The following OPCML variants were observed in gnomAD, a reference collection of about 807,000 sequenced individuals.
OPCML encodes the protein opioid binding protein/cell adhesion molecule like.
A neutral mutation model predicts 37.8 loss-of-function variants in OPCML; 13 were observed. That is an observed-to-expected ratio of 0.34 (90% CI 0.22 to 0.55). OPCML has a LOEUF of 0.55. OPCML is among the 20% of genes least tolerant of loss of function. The pLI, the probability that OPCML is intolerant of heterozygous loss-of-function variation, is 0.91. For synonymous variants in OPCML, 176 were observed against 168.8 expected (o/e 1.04, Z -0.33); for missense variants, 341 against 435.6 (o/e 0.78, Z 1.93).
chr11:133,222,195 C>T (rs1939865306), intron 1 of OPCML, among the ~76,000 whole-genome samples: 1 of 152,200 alleles, frequency 6.6e-6, no homozygotes, highest in Non-Finnish European at 1.5e-5. Context: ...ATTCAGGGGC[C>T]TGCAGATGAC....
chr11:132,746,435 C>G (rs1793267), intron 2 of OPCML, among the ~76,000 whole-genome samples: 44,020 of 151,896 alleles, frequency 0.29, 7,554 homozygotes, highest in East Asian at 0.83. Flanking sequence ...CCACTCTCAT[C>G]GGCGTTTATA....
At chr11:133,469,176 T>C (rs7130966) in intron 1 of OPCML, among the ~76,000 whole-genome samples, 43,677 of 152,156 alleles carry the variant, frequency 0.29, 7,834 homozygotes, top group African/African-American at 0.51. Flanking sequence ...ACAAATGACA[T>C]GAAATAGCTA....
intron 1 of OPCML, among the ~76,000 whole-genome samples, chr11:133,082,986 G>A (rs1357438908): frequency 6.6e-6 from 1 of 151,204 alleles, no homozygotes; most frequent in African/African-American, 2.4e-5. Context: ...GCGGCCGCCA[G>A]AGGGCGCCCG....
intron 1 of OPCML, among the ~76,000 whole-genome samples, chr11:133,134,426 T>G (rs1205819461): frequency 6.6e-6 from 1 of 152,224 alleles, no homozygotes; most frequent in Non-Finnish European, 1.5e-5. Context: ...ACCTCTGTCC[T>G]GAGCCACAGT....
chr11:133,026,321 A>T (rs1383020768), intron 1 of OPCML: 3 of 941,306 alleles, frequency 3.2e-6, no homozygotes, highest in Non-Finnish European at 3.8e-6. Context: ...AGCTGTCAAC[A>T]TTTGATAGTT....
chr11:132,609,518 C>T (rs1011683880), intron 3 of OPCML, among the ~76,000 whole-genome samples: 4 of 152,128 alleles, frequency 2.6e-5, no homozygotes, highest in Non-Finnish European at 5.9e-5. Flanking sequence ...TACCCACCAG[C>T]ATGCAAATAT....
intron 1 of OPCML, among the ~76,000 whole-genome samples, chr11:133,372,151 T>C (rs1944689224): frequency 6.6e-6 from 1 of 152,224 alleles, no homozygotes; most frequent in African/African-American, 2.4e-5. Flanking sequence ...ATGCATTGTA[T>C]ATTTCAAAGT....
intron 4 of OPCML, among the ~76,000 whole-genome samples, chr11:132,521,438 C>A (rs1274504213): frequency 6.6e-6 from 1 of 152,028 alleles, no homozygotes; most frequent in Non-Finnish European, 1.5e-5. Flanking sequence ...TGTTTTAGTA[C>A]ACCACAGAAT....
At position 132,542,017 on chromosome 11, in the gene OPCML, T is replaced by C. The variant is rs1392591839; in HGVS notation, c.380-12831A>G. On this transcript the variant is annotated intron_variant, in intron 3 of 7. Coordinates refer to ENST00000524381, the MANE Select transcript of OPCML (RefSeq NM_001012393.5). ...GAGGCAATGCAGGGGAAGTCCAGCATCTTCTCATTCTCTGCTTTAATTCCT... is the reference window on the plus strand; with the variant it reads ...GAGGCAATGCAGGGGAAGTCCAGCACCTTCTCATTCTCTGCTTTAATTCCT... Among the ~76,000 whole-genome samples the C allele has an allele frequency of 3.3e-5, 5 of 152,274 alleles. No homozygotes were observed. In the South Asian group the frequency reaches 8.3e-4, roughly 25 times the overall value.
At chr11:132,513,216 G>A (rs1275589546) in intron 4 of OPCML, among the ~76,000 whole-genome samples, 1 of 152,086 alleles carries the variant, frequency 6.6e-6, no homozygotes, top group East Asian at 1.9e-4. Context: ...ATGGAAAGAG[G>A]AAAGCAGATA....
chr11:133,449,256 CAG>C (rs572717333), intron 1 of OPCML, among the ~76,000 whole-genome samples: 6 of 152,138 alleles, frequency 3.9e-5, no homozygotes, highest in Non-Finnish European at 8.8e-5. Flanking sequence ...TGCAAAAGGA[CAG>C]AGAGTAAATA....
intron 1 of OPCML, among the ~76,000 whole-genome samples, chr11:132,947,615 A>C (rs999669785): frequency 6.6e-6 from 1 of 152,234 alleles, no homozygotes; most frequent in Admixed American, 6.5e-5. Flanking sequence ...CATTTATAGA[A>C]TATAAGGCTG....
At chr11:132,611,653 T>C (rs1177547995) in intron 3 of OPCML, among the ~76,000 whole-genome samples, 2 of 152,138 alleles carry the variant, frequency 1.3e-5, no homozygotes, top group Non-Finnish European at 2.9e-5. Context: ...TTTCCTCAAA[T>C]TATTTATATT....
At chr11:132,969,528 A>AC (rs773716250) in intron 1 of OPCML, among the ~76,000 whole-genome samples, 29 of 150,640 alleles carry the variant, frequency 1.9e-4, no homozygotes, top group East Asian at 3.9e-4. Context: ...TTGTTCTGGG[A>AC]CCCCCCCTGC....
rs565610583 is a variant in OPCML at position 132,773,967 on chromosome 11, G to A, written c.147-116648C>T. On this transcript the variant is annotated intron_variant, in intron 2 of 7. Transcript: ENST00000524381. Reference sequence around the variant, plus strand: ...TTTTGTAAAGAGAGAGAGAGAAAAGGCTCTGTACTTAGCACCCACTAGTCT... The same window carrying A: ...TTTTGTAAAGAGAGAGAGAGAAAAGACTCTGTACTTAGCACCCACTAGTCT... Among the ~76,000 whole-genome samples the A allele has an allele frequency of 5.0e-4, 76 of 152,278 alleles. No individual in the cohort carries two copies. The South Asian group carries it at 0.012, about 25-fold the overall frequency.
chr11:132,443,374 C>T (rs1363097394), intron 4 of OPCML, among the ~76,000 whole-genome samples: 2 of 152,172 alleles, frequency 1.3e-5, no homozygotes, highest in Non-Finnish European at 2.9e-5. Flanking sequence ...AGAGGGTGGC[C>T]ACCCAGGGGT....
At chr11:133,077,206 G>C (rs1045607183) in intron 1 of OPCML, among the ~76,000 whole-genome samples, 1 of 151,978 alleles carries the variant, frequency 6.6e-6, no homozygotes, top group African/African-American at 2.4e-5. Flanking sequence ...AGGAGGGCTG[G>C]GTTTGGCCAA....
chr11:132,830,548 C>A (rs1045581351), intron 2 of OPCML, among the ~76,000 whole-genome samples: 1 of 152,194 alleles, frequency 6.6e-6, no homozygotes, highest in Non-Finnish European at 1.5e-5. Flanking sequence ...TATCATCAAC[C>A]TCTTTCTACT....
intron 1 of OPCML, among the ~76,000 whole-genome samples, chr11:133,154,767 G>C (rs1487673123): frequency 1.3e-5 from 2 of 149,244 alleles, no homozygotes; most frequent in Non-Finnish European, 3.0e-5. Context: ...AAGGAAAAAA[G>C]AGGAGGGAAT....
Sources: gnomAD v4.1 joint callset for allele counts (sites outside exome capture counted in the v4.1 genomes callset) on GRCh38, gnomAD v4.1.1 for gene constraint, MANE v1.5 for transcripts, NCBI Gene and HGNC (gene_info 2026-07-23, HGNC 2026-07-21) for gene names.